POC1A: variants seen among roughly 807,000 people sequenced by gnomAD.
The protein encoded by POC1A is POC1 centriolar protein homolog A.
In POC1A, 34 loss-of-function variants were observed where a neutral mutation model predicts 47.8. The ratio of observed to expected loss-of-function variants is 0.71; its 90% CI spans 0.54 to 0.95. POC1A has a LOEUF of 0.95. POC1A is among the 40% of genes least tolerant of loss of function. The pLI is 0.00. For missense variants in POC1A, 466 were observed against 528.3 expected (o/e 0.88, Z 1.16); for synonymous variants, 177 against 207.6 (o/e 0.85, Z 1.27).
chr3:52,144,812 G>C (rs891307048), intron 6 of POC1A, among the ~76,000 whole-genome samples: 1 of 152,148 alleles, frequency 6.6e-6, no homozygotes, highest in Non-Finnish European at 1.5e-5. Context: ...GCTCACCTCT[G>C]TTACCCCAAA....
intron 9 of POC1A, among the ~76,000 whole-genome samples, chr3:52,111,245 G>A (rs140365353): frequency 1.4e-3 from 213 of 152,316 alleles, no homozygotes; most frequent in Admixed American, 3.1e-3. Flanking sequence ...CCCTCAAGGG[G>A]GCAGTTCAGA....
intron 9 of POC1A, among the ~76,000 whole-genome samples, chr3:52,098,131 C>T (rs913627747): frequency 3.3e-5 from 5 of 152,202 alleles, no homozygotes; most frequent in Admixed American, 6.5e-5. Context: ...GTCCTTCAAA[C>T]GGCTGGGCTG....
At chr3:52,087,419 C>G (rs1702496403) in intron 10 of POC1A, among the ~76,000 whole-genome samples, 1 of 152,158 alleles carries the variant, frequency 6.6e-6, no homozygotes, top group Non-Finnish European at 1.5e-5. Flanking sequence ...ACCACTCCCC[C>G]TAACCCCACA....
At chr3:52,143,844 T>G (rs755206277) in intron 6 of POC1A, among the ~76,000 whole-genome samples, 11 of 152,314 alleles carry the variant, frequency 7.2e-5, no homozygotes, top group Non-Finnish European at 1.5e-4. Context: ...GTCCTAGCAC[T>G]GCCAATCAGG....
intron 9 of POC1A, among the ~76,000 whole-genome samples, chr3:52,108,484 CCT>C (rs1703265176): frequency 6.6e-6 from 1 of 152,200 alleles, no homozygotes; most frequent in Non-Finnish European, 1.5e-5. Flanking sequence ...ATTTTTAAAA[CCT>C]CGGAACAAAG....
At chr3:52,138,037 A>G in intron 7 of POC1A, 132 bp downstream of exon 7, 1 of 944,094 alleles carries the variant, frequency 1.1e-6, no homozygotes, top group Admixed American at 2.1e-5. Context: ...TGCCCAGGTC[A>G]CATGGAAATG....
intron 9 of POC1A, among the ~76,000 whole-genome samples, chr3:52,099,255 C>T (rs1338585092): frequency 6.6e-6 from 1 of 152,230 alleles, no homozygotes; most frequent in Non-Finnish European, 1.5e-5. Flanking sequence ...CCAATGTCTG[C>T]ACTGCAGCAA....
chr3:52,088,637 G>C (rs1391745753), intron 10 of POC1A, among the ~76,000 whole-genome samples: 2 of 152,058 alleles, frequency 1.3e-5, no homozygotes, highest in African/African-American at 2.4e-5. Context: ...AGCGGTGCAG[G>C]CCAGTTTGGG....
chr3:52,109,894 G>T (rs1438183108), intron 9 of POC1A, among the ~76,000 whole-genome samples: 1 of 151,912 alleles, frequency 6.6e-6, no homozygotes, highest in Non-Finnish European at 1.5e-5. Context: ...AACCACAAAG[G>T]GTTTTTTTCC....
chr3:52,107,181 G>A (rs939583492), intron 9 of POC1A, among the ~76,000 whole-genome samples: 1 of 152,256 alleles, frequency 6.6e-6, no homozygotes, highest in Non-Finnish European at 1.5e-5. Flanking sequence ...GGTTCAGAGC[G>A]GGCTGGAAAA....
chr3:52,123,693 G>C lies in POC1A; in HGVS notation c.883-1216C>G, dbSNP rs114385658. 5.5e-3 allele frequency among the ~76,000 whole-genome samples: 836 copies of C among 152,328 alleles called. 9 individuals carry two copies. Among genetic ancestry groups the C allele is most frequent in the African/African-American group, 0.019 (786 of 41,574 alleles). ...TGCTGAATAAATTCCTAACAGTAGAGTGGCTATCATGAATGCAAATAGACA... is the reference window on the plus strand; with the variant it reads ...TGCTGAATAAATTCCTAACAGTAGACTGGCTATCATGAATGCAAATAGACA... On this transcript the variant is annotated intron_variant, in intron 8 of 10. Transcript: ENST00000296484.
intron 10 of POC1A, among the ~76,000 whole-genome samples, chr3:52,087,373 C>A (rs1051570370): frequency 2.6e-5 from 4 of 152,146 alleles, no homozygotes; most frequent in Admixed American, 1.3e-4. Flanking sequence ...AAAAAAATTC[C>A]TCCCAATCTC....
chr3:52,133,208 C>G (rs1704301510), intron 7 of POC1A, among the ~76,000 whole-genome samples: 1 of 152,070 alleles, frequency 6.6e-6, no homozygotes, highest in Non-Finnish European at 1.5e-5. Flanking sequence ...TCCGCCCTTC[C>G]ACCTTCTGCA....
intron 8 of POC1A, among the ~76,000 whole-genome samples, chr3:52,124,553 A>G (rs2107102229): frequency 6.6e-6 from 1 of 152,342 alleles, no homozygotes; most frequent in South Asian, 2.1e-4. Flanking sequence ...AGCAGATGAC[A>G]GAGCAGAGGC....
At chr3:52,132,368 A>T (rs1704244551) in intron 7 of POC1A, among the ~76,000 whole-genome samples, 1 of 152,148 alleles carries the variant, frequency 6.6e-6, no homozygotes, top group Non-Finnish European at 1.5e-5. Flanking sequence ...GTTCCTAAAA[A>T]TACTGGGGTT....
intron 9 of POC1A, among the ~76,000 whole-genome samples, chr3:52,107,389 C>T (rs1703223669): frequency 6.6e-6 from 1 of 152,246 alleles, no homozygotes; most frequent in Admixed American, 6.5e-5. Context: ...TGAGTCTGTT[C>T]TGGAGTTCCT....
chr3:52,130,071 C>T (rs1260491764), intron 7 of POC1A, among the ~76,000 whole-genome samples: 2 of 152,214 alleles, frequency 1.3e-5, no homozygotes, highest in African/African-American at 2.4e-5. Context: ...CTCTCAGAGG[C>T]CCCTGTATGC....
chr3:52,096,419 G>A (rs1577826958), intron 10 of POC1A, 150 bp downstream of exon 10: 2 of 676,128 alleles, frequency 3.0e-6, no homozygotes, highest in South Asian at 4.7e-5. Flanking sequence ...CCCCGGGAAG[G>A]CTCTGCAATG....
Position 52,125,112 on chromosome 3 carries a change from C to T in POC1A, c.882+1G>A, listed in dbSNP as rs146848374. ...ATTCCATTCGACTACTCTTTACTTA[C>T]TTGTTCATCAGAGCCTCCAGAAGCA... On this transcript the variant is annotated splice_donor_variant, in intron 8 of 10. Transcript: ENST00000296484. LOFTEE classifies it high-confidence loss of function. The T allele has an allele frequency of 1.2e-5, 19 of 1,606,694 alleles. No individual in the cohort carries two copies. Among genetic ancestry groups the T allele is most frequent in the Non-Finnish European group, 1.6e-5 (19 of 1,173,302 alleles).
Sources: allele counts gnomAD v4.1 joint callset (sites outside exome capture counted in the v4.1 genomes callset), GRCh38; gene constraint gnomAD v4.1.1; transcripts MANE v1.5; gene names NCBI Gene and HGNC (gene_info 2026-07-23, HGNC 2026-07-21).